ATG10: variants seen among roughly 807,000 people sequenced by gnomAD.
ATG10 encodes the protein ubiquitin-like-conjugating enzyme ATG10.
Under a neutral mutation model 32.1 loss-of-function variants are expected in ATG10, and 30 were observed. The observed-to-expected ratio is 0.94, with a 90% CI of 0.70 to 1.27. ATG10 has a LOEUF of 1.27. Ranked by LOEUF, ATG10 falls within the 50% of genes most tolerant of loss-of-function variation. The pLI is 0.00. For synonymous variants in ATG10, 87 were observed against 91.5 expected (o/e 0.95, Z 0.28); for missense variants, 233 against 262.3 (o/e 0.89, Z 0.77).
intron 3 of ATG10, among the ~76,000 whole-genome samples, chr5:82,072,234 T>G (rs141059644): frequency 3.8e-3 from 584 of 152,262 alleles, no homozygotes; most frequent in South Asian, 0.011. Context: ...GCCTTTGTCC[T>G]TGTCTATGTA....
chr5:81,982,679 T>C (rs1761089145), intron 1 of ATG10, among the ~76,000 whole-genome samples: 1 of 151,998 alleles, frequency 6.6e-6, no homozygotes, highest in Non-Finnish European at 1.5e-5. Context: ...TGAACAAAGG[T>C]CTCTGGTTTT....
intron 3 of ATG10, among the ~76,000 whole-genome samples, chr5:82,067,086 A>G (rs973671201): frequency 3.9e-5 from 6 of 152,196 alleles, no homozygotes; most frequent in African/African-American, 7.2e-5. Context: ...TGACAGATAA[A>G]TGGATTTTTA....
At chr5:82,217,720 C>T (rs1263282250) in intron 5 of ATG10, among the ~76,000 whole-genome samples, 1 of 151,826 alleles carries the variant, frequency 6.6e-6, no homozygotes, top group African/African-American at 2.4e-5. Context: ...CACACCTGTA[C>T]CCAGCACTTT....
intron 5 of ATG10, among the ~76,000 whole-genome samples, chr5:82,214,546 A>G (rs1473391975): frequency 2.0e-5 from 3 of 152,192 alleles, no homozygotes; most frequent in South Asian, 2.1e-4. Flanking sequence ...ATATATGAAA[A>G]TTTTTATTCA....
intron 2 of ATG10, among the ~76,000 whole-genome samples, chr5:82,017,651 T>C (rs1718841858): frequency 6.6e-6 from 1 of 152,160 alleles, no homozygotes; most frequent in African/African-American, 2.4e-5. Context: ...ACAAAAACTA[T>C]TTGTTTTAGA....
chr5:82,183,351 T>C (rs1363320207), intron 5 of ATG10, among the ~76,000 whole-genome samples: 1 of 152,112 alleles, frequency 6.6e-6, no homozygotes, highest in African/African-American at 2.4e-5. Context: ...TAATTTTTTG[T>C]TGAAGAAACA....
At chr5:82,221,262 A>G (rs934704699) in intron 5 of ATG10, among the ~76,000 whole-genome samples, 2 of 152,100 alleles carry the variant, frequency 1.3e-5, no homozygotes, top group Non-Finnish European at 2.9e-5. Flanking sequence ...GTTTCCAGAG[A>G]GATGTCAAGG....
intron 2 of ATG10, among the ~76,000 whole-genome samples, chr5:82,026,551 G>A (rs1435584797): frequency 6.6e-6 from 1 of 152,100 alleles, no homozygotes; most frequent in African/African-American, 2.4e-5. Context: ...GATACTAGGT[G>A]TTGCTAAGTA....
intron 3 of ATG10, among the ~76,000 whole-genome samples, chr5:82,115,386 A>T (rs1765771692): frequency 6.6e-6 from 1 of 152,096 alleles, no homozygotes; most frequent in African/African-American, 2.4e-5. Flanking sequence ...TGGAGAGTAG[A>T]TGAGATAGAA....
At chr5:82,235,132 G>A (rs1423141043) in intron 5 of ATG10, among the ~76,000 whole-genome samples, 2 of 152,040 alleles carry the variant, frequency 1.3e-5, no homozygotes, top group African/African-American at 2.4e-5. Context: ...CAGAAACCAC[G>A]TGCCTTGTGT....
At chr5:82,025,419 T>C (rs1762565282) in intron 2 of ATG10, among the ~76,000 whole-genome samples, 1 of 152,146 alleles carries the variant, frequency 6.6e-6, no homozygotes, top group South Asian at 2.1e-4. Context: ...AGAAGGGAAA[T>C]GTCCTTCAGT....
chr5:82,107,342 T>C (rs925467243), intron 3 of ATG10, among the ~76,000 whole-genome samples: 3 of 152,078 alleles, frequency 2.0e-5, no homozygotes, highest in African/African-American at 7.2e-5. Flanking sequence ...ACATGTAGGA[T>C]TATTTCCAAA....
Position 81,993,393 on chromosome 5 carries a change from T to TTTTC in ATG10, c.108+5718_108+5719insCTTT, listed in dbSNP as rs1487345532. Among the ~76,000 whole-genome samples, 46 of 105,660 alleles carry TTTTC rather than the reference T, an allele frequency of 4.4e-4. 8 individuals are homozygous for TTTTC. Among genetic ancestry groups the TTTTC allele is most frequent in the East Asian group, 5.5e-4 (2 of 3,608 alleles). 69.3% of individuals were successfully genotyped at this position (105,660 alleles called of 152,430 possible). A position where few individuals can be genotyped will look rare whatever the true frequency, so the allele number is the denominator to read the frequency against. On this transcript the variant is annotated intron_variant, in intron 2 of 7. Transcript: ENST00000282185. Reference sequence around the variant, plus strand: ...CTTTTCTTTTCTTTTCTTTTCTTTTTTTTTCTTTTCTTTTCTTTTCTTTTC... The same window carrying TTTTC: ...CTTTTCTTTTCTTTTCTTTTCTTTTTTTTCTTTTCTTTTCTTTTCTTTTCTTTTC...
chr5:82,239,816 C>CA (rs1040737604), intron 5 of ATG10, among the ~76,000 whole-genome samples: 1 of 151,522 alleles, frequency 6.6e-6, no homozygotes, highest in Admixed American at 6.6e-5. Context: ...AAGCCAATAC[C>CA]AAAAAAACCC....
intron 4 of ATG10, among the ~76,000 whole-genome samples, chr5:82,171,988 G>T (rs1743825474): frequency 6.6e-6 from 1 of 152,172 alleles, no homozygotes; most frequent in Admixed American, 6.5e-5. Flanking sequence ...AATATGTTAA[G>T]GACCATAAGA....
chr5:82,170,048 C>G (rs1743741452), intron 4 of ATG10, among the ~76,000 whole-genome samples: 1 of 152,080 alleles, frequency 6.6e-6, no homozygotes, highest in South Asian at 2.1e-4. Context: ...ACAGAGATAG[C>G]TAGTTAGCCA....
At chr5:82,187,519 CAAAA>C (rs11312827) in intron 5 of ATG10, among the ~76,000 whole-genome samples, 2 of 114,914 alleles carry the variant, frequency 1.7e-5, no homozygotes, top group Admixed American at 9.5e-5. Flanking sequence ...AGACTGTCTA[CAAAA>C]AAAAAAAAAA....
At position 82,054,592 on chromosome 5, in the gene ATG10, C is replaced by T. The variant is rs117344637; in HGVS notation, c.109-3903C>T. On this transcript the variant is annotated intron_variant, in intron 2 of 7. Transcript: ENST00000282185. Reference sequence around the variant, plus strand: ...ATCCGCTTTCCACTTCCTGCTCTGCCTCCAACTAATTAGTGTAAGACAAGT... The same window carrying T: ...ATCCGCTTTCCACTTCCTGCTCTGCTTCCAACTAATTAGTGTAAGACAAGT... 1.4e-4 allele frequency among the ~76,000 whole-genome samples: 22 copies of T among 152,336 alleles called. 1 individual carries two copies. In the East Asian group the frequency reaches 4.2e-3, roughly 29 times the overall value.
At chr5:82,187,316 G>T (rs1337392328) in intron 5 of ATG10, among the ~76,000 whole-genome samples, 1 of 151,916 alleles carries the variant, frequency 6.6e-6, no homozygotes, top group Non-Finnish European at 1.5e-5. Context: ...TTCGAGACCA[G>T]CCTGGCTAAC....
Sources: gnomAD v4.1 joint callset for allele counts (sites outside exome capture counted in the v4.1 genomes callset) on GRCh38, gnomAD v4.1.1 for gene constraint, MANE v1.5 for transcripts, NCBI Gene and HGNC (gene_info 2026-07-23, HGNC 2026-07-21) for gene names.